ANKRD33B: variants seen among roughly 807,000 people sequenced by gnomAD.
ANKRD33B encodes ankyrin repeat domain 33B, also known as ankyrin repeat domain-containing protein 33B.
In ANKRD33B, 6 loss-of-function variants were observed where a neutral mutation model predicts 21.5. The observed-to-expected ratio is 0.28, with a 90% CI of 0.15 to 0.55. The LOEUF is 0.55. Among genes scored for constraint, ANKRD33B ranks in the 20% least tolerant of loss-of-function variants. The pLI is 0.94. For missense variants in ANKRD33B, 698 were observed against 747.2 expected (o/e 0.93, Z 0.77); for synonymous variants, 347 against 342.4 (o/e 1.01, Z -0.15).
chr5:10,617,277 G>T (rs966161366), intron 1 of ANKRD33B, among the ~76,000 whole-genome samples: 1 of 152,110 alleles, frequency 6.6e-6, no homozygotes, highest in Non-Finnish European at 1.5e-5. Context: ...TCTACCTGAC[G>T]TCACCACTGG....
chr5:10,630,552 C>A (rs1400606872), intron 2 of ANKRD33B, among the ~76,000 whole-genome samples: 1 of 152,200 alleles, frequency 6.6e-6, no homozygotes, highest in East Asian at 1.9e-4. Context: ...TCACTAAAAT[C>A]AACTTGCAAA....
intron 2 of ANKRD33B, chr5:10,628,093 T>TG (rs1560979913): frequency 6.6e-6 from 1 of 152,284 alleles, no homozygotes; most frequent in Admixed American, 6.5e-5. Flanking sequence ...TGGCCTGGTC[T>TG]GGAGAACTGC....
intron 3 of ANKRD33B, among the ~76,000 whole-genome samples, chr5:10,648,960 A>C (rs1384207056): frequency 6.6e-6 from 1 of 152,094 alleles, no homozygotes; most frequent in Non-Finnish European, 1.5e-5. Flanking sequence ...GCCAGGCCCC[A>C]TCTCTACAGA....
chr5:10,578,826 T>TA (rs1246300217), intron 1 of ANKRD33B, among the ~76,000 whole-genome samples: 3 of 152,156 alleles, frequency 2.0e-5, no homozygotes, highest in African/African-American at 7.2e-5. Context: ...GATAGTGACT[T>TA]ACAGTGACTC....
intron 1 of ANKRD33B, among the ~76,000 whole-genome samples, chr5:10,591,257 A>G (rs1188276959): frequency 1.5e-5 from 2 of 135,414 alleles, no homozygotes; most frequent in African/African-American, 5.6e-5. Context: ...CAGTGGCACC[A>G]TGTGGGCTCC....
intron 2 of ANKRD33B, among the ~76,000 whole-genome samples, chr5:10,620,942 A>C (rs983278458): frequency 1.3e-5 from 2 of 152,168 alleles, no homozygotes; most frequent in African/African-American, 2.4e-5. Flanking sequence ...TTTCTGAATC[A>C]TTTATTTTAC....
intron 2 of ANKRD33B, among the ~76,000 whole-genome samples, chr5:10,635,082 C>T (rs183665635): frequency 5.9e-5 from 9 of 151,860 alleles, no homozygotes; most frequent in African/African-American, 1.7e-4. Flanking sequence ...CAACATAATA[C>T]GCAGAACAGA....
intron 1 of ANKRD33B, among the ~76,000 whole-genome samples, chr5:10,617,099 C>T (rs370088079): frequency 7.2e-5 from 11 of 152,208 alleles, no homozygotes; most frequent in East Asian, 3.9e-4. Context: ...CATGAGGACT[C>T]CACCCTCGTG....
intron 1 of ANKRD33B, among the ~76,000 whole-genome samples, chr5:10,602,748 A>C (rs531728751): frequency 6.6e-6 from 1 of 152,076 alleles, no homozygotes; most frequent in Non-Finnish European, 1.5e-5. Flanking sequence ...TTTTGCAAGG[A>C]ACTTATAAAG....
At chr5:10,614,879 T>G (rs371773730) in intron 1 of ANKRD33B, among the ~76,000 whole-genome samples, 9 of 148,754 alleles carry the variant, frequency 6.1e-5, no homozygotes, top group African/African-American at 2.3e-4. Flanking sequence ...AGAGCAAAAC[T>G]CCATCTCAAA....
chr5:10,594,802 G>A (rs543372446), intron 1 of ANKRD33B, among the ~76,000 whole-genome samples: 43 of 152,334 alleles, frequency 2.8e-4, no homozygotes, highest in African/African-American at 1.0e-3. Context: ...GGGAAACCTT[G>A]TGTGTGGGTC....
At chr5:10,645,166 G>A (rs1232818673) in intron 3 of ANKRD33B, among the ~76,000 whole-genome samples, 1 of 152,214 alleles carries the variant, frequency 6.6e-6, no homozygotes, top group Non-Finnish European at 1.5e-5. Context: ...TTGTCATCCC[G>A]ATTATACCCA....
intron 1 of ANKRD33B, among the ~76,000 whole-genome samples, chr5:10,573,557 A>T (rs1735249632): frequency 6.6e-6 from 1 of 152,182 alleles, no homozygotes; most frequent in African/African-American, 2.4e-5. Context: ...AGAAATAAAG[A>T]ACTGCCTGGG....
chr5:10,566,739 A>G (rs1579705207), intron 1 of ANKRD33B, among the ~76,000 whole-genome samples: 1 of 152,186 alleles, frequency 6.6e-6, no homozygotes, highest in African/African-American at 2.4e-5. Flanking sequence ...GAGGCAGGGG[A>G]GGGCCGTGGT....
chr5:10,620,770 T>C (rs1419113704), intron 2 of ANKRD33B, among the ~76,000 whole-genome samples: 3 of 152,240 alleles, frequency 2.0e-5, no homozygotes, highest in Non-Finnish European at 4.4e-5. Flanking sequence ...ATACTGCCAG[T>C]GTGTCCTGGT....
chr5:10,645,280 C>A (rs1211902787), intron 3 of ANKRD33B, among the ~76,000 whole-genome samples: 2 of 151,990 alleles, frequency 1.3e-5, no homozygotes, highest in African/African-American at 2.4e-5. Flanking sequence ...AGAGGGAGAC[C>A]TGAGCTAGGG....
Position 10,655,582 on chromosome 5 carries a change from A to G in ANKRD33B, c.*5469A>G, listed in dbSNP as rs559002901. ...GTGCGCCGGAGACGCAGGCTTGCTC[A>G]TTTCCGTCCTGACACAGCTCGCTGT... On this transcript the variant is annotated 3_prime_UTR_variant, in exon 4 of 4. Transcript: ENST00000296657. 6 of 152,436 alleles carry G rather than the reference A, an allele frequency of 3.9e-5. No homozygotes were observed. The highest frequency in any genetic ancestry group is 9.6e-5 in the African/African-American group (4 of 41,550). 9.4% of individuals were successfully genotyped at this position (152,436 alleles called of 1,614,324 possible).
Position 10,657,488 on chromosome 5 carries a change from G to C in ANKRD33B, c.*7375G>C, listed in dbSNP as rs1358137838. The C allele has an allele frequency of 2.0e-5, 3 of 152,112 alleles. No homozygotes were observed. Among genetic ancestry groups the C allele is most frequent in the African/African-American group, 7.3e-5 (3 of 41,242 alleles). 9.4% of individuals were successfully genotyped at this position (152,112 alleles called of 1,614,324 possible). ...TTTCTGGATATTGTAAAGATACTGA[G>C]TACAGATATAACTGTGTAAATTTCA... On this transcript the variant is annotated 3_prime_UTR_variant, in exon 4 of 4. Coordinates refer to ENST00000296657, the MANE Select transcript of ANKRD33B (RefSeq NM_001164440.2).
intron 2 of ANKRD33B, among the ~76,000 whole-genome samples, chr5:10,620,667 G>C (rs1162794367): frequency 6.6e-6 from 1 of 152,226 alleles, no homozygotes; most frequent in Non-Finnish European, 1.5e-5. Flanking sequence ...ATTCACCCAT[G>C]ATTGTTTCTT....
Sources: allele counts gnomAD v4.1 joint callset (sites outside exome capture counted in the v4.1 genomes callset), GRCh38; gene constraint gnomAD v4.1.1; transcripts MANE v1.5; gene names NCBI Gene and HGNC (gene_info 2026-07-23, HGNC 2026-07-21).